The following SLC39A8 variants were observed in gnomAD, a reference collection of about 807,000 sequenced individuals.
SLC39A8 encodes the protein metal cation symporter ZIP8.
In SLC39A8, 15 loss-of-function variants were observed where a neutral mutation model predicts 40.4. The ratio of observed to expected loss-of-function variants is 0.37; its 90% CI spans 0.25 to 0.57. The LOEUF (loss-of-function observed/expected upper bound fraction) is 0.57. SLC39A8 is among the 20% of genes least tolerant of loss of function. The pLI is 0.75. For synonymous variants in SLC39A8, 223 were observed against 221.6 expected, an observed-to-expected ratio of 1.01 and a Z score of -0.06; for missense variants, 472 against 558.8, an observed-to-expected ratio of 0.84 and a Z score of 1.57.
chr4:102,335,934 G>T (rs1735649603), intron 2 of SLC39A8, among the ~76,000 whole-genome samples: 1 of 151,966 alleles, frequency 6.6e-6, no homozygotes, highest in Non-Finnish European at 1.5e-5. Flanking sequence ...CAGACGCTTG[G>T]GTGTTCAGAT....
At chr4:102,328,915 C>A (rs1259459667) in intron 2 of SLC39A8, among the ~76,000 whole-genome samples, 1 of 151,686 alleles carries the variant, frequency 6.6e-6, no homozygotes, top group African/African-American at 2.4e-5. Context: ...GTAGTCCCAG[C>A]TACTCGGGAG....
At chr4:102,329,454 C>A (rs1347078793) in intron 2 of SLC39A8, among the ~76,000 whole-genome samples, 1 of 151,770 alleles carries the variant, frequency 6.6e-6, no homozygotes, top group African/African-American at 2.4e-5. Context: ...GAAACCCTGT[C>A]TCTACTAAAA....
In SLC39A8 at chr4:102,263,170, C is replaced by T; in HGVS notation, c.1257G>A (p.Leu419=). 6.2e-7 allele frequency: 1 copy of T among 1,613,578 alleles called. No homozygotes were observed. The highest frequency in any genetic ancestry group is 2.2e-5 in the East Asian group (1 of 44,852). The change falls in exon 9 of 9, where the codon CTG becomes CTA. Residue 419 remains leucine (L), a synonymous_variant. Transcript: ENST00000356736. ...ADMFPEMNDM[L]REKVTGRKTD... Reference sequence around the variant, plus strand: ...TTTTTCTTCCAGTTACCTTTTCTCTCAGCATATCATTCATCTCTGGAAACT... The same window carrying T: ...TTTTTCTTCCAGTTACCTTTTCTCTTAGCATATCATTCATCTCTGGAAACT...
intron 6 of SLC39A8, 80 bp from the exon 7 acceptor site, chr4:102,268,159 C>T: frequency 2.1e-6 from 3 of 1,453,120 alleles, no homozygotes; most frequent in Non-Finnish European, 2.9e-6. Flanking sequence ...ATGGGTTGTG[C>T]TTGAGAAAAA....
chr4:102,301,816 T>G (rs1733939050), intron 6 of SLC39A8, among the ~76,000 whole-genome samples: 1 of 152,074 alleles, frequency 6.6e-6, no homozygotes, highest in African/African-American at 2.4e-5. Flanking sequence ...TTGGAGAAGT[T>G]AAACTTATTT....
intron 6 of SLC39A8, among the ~76,000 whole-genome samples, chr4:102,272,145 C>G (rs1732389484): frequency 6.6e-6 from 1 of 152,068 alleles, no homozygotes; most frequent in Admixed American, 6.6e-5. Context: ...CAAGACCAAC[C>G]TGAACAACAT....
In SLC39A8 at chr4:102,344,734, G is replaced by T; in HGVS notation, c.-72C>A. 7 of 1,366,716 alleles carry T rather than the reference G, an allele frequency of 5.1e-6. No individual in the cohort carries two copies. Among genetic ancestry groups the T allele is most frequent in the Non-Finnish European group, 6.6e-6 (7 of 1,067,848 alleles). 84.7% of individuals were successfully genotyped at this position (1,366,716 alleles called of 1,614,324 possible). ...GAGGGACGCGCGCGGGCGCACTGGC[G>T]TCCTTGCCCAAGGGCGGGAGCGTCA... On this transcript the variant is annotated 5_prime_UTR_variant, in exon 2 of 9. Transcript: ENST00000356736.
At chr4:102,315,090 T>C (rs974533483) in intron 3 of SLC39A8, among the ~76,000 whole-genome samples, 18 of 152,198 alleles carry the variant, frequency 1.2e-4, no homozygotes, top group African/African-American at 4.3e-4. Context: ...ATATTAAGCA[T>C]ACATATATTT....
At chr4:102,295,615 C>T (rs1452190912) in intron 6 of SLC39A8, among the ~76,000 whole-genome samples, 1 of 152,030 alleles carries the variant, frequency 6.6e-6, no homozygotes, top group Non-Finnish European at 1.5e-5. Context: ...CTCTGGTCTT[C>T]AGCTCCTGGA....
intron 6 of SLC39A8, among the ~76,000 whole-genome samples, chr4:102,274,176 T>C (rs233833): frequency 0.75 from 113,816 of 151,988 alleles, 42,891 homozygotes; most frequent in Middle Eastern, 0.8. Context: ...ATGTTCTAAC[T>C]CAATGTAAGG....
Position 102,262,057 on chromosome 4 carries a change from T to C in SLC39A8, c.*987A>G, listed in dbSNP as rs1413823964. On this transcript the variant is annotated 3_prime_UTR_variant, in exon 9 of 9. Transcript: ENST00000356736. ...ACAAAGGAAGTCTTTTCTGAATGGC[T>C]CTCGATCACACATAAGGAACATATG... 2.0e-6 allele frequency: 2 copies of C among 985,884 alleles called. No individual in the cohort carries two copies. The highest frequency in any genetic ancestry group is 2.4e-6 in the Non-Finnish European group (2 of 829,928). 61.1% of individuals were successfully genotyped at this position (985,884 alleles called of 1,614,324 possible).
chr4:102,324,250 C>A, intron 2 of SLC39A8: 1 of 364,620 alleles, frequency 2.7e-6, no homozygotes, highest in Non-Finnish European at 5.5e-6. Context: ...TAAAAATTAC[C>A]TGAGCGTGTT....
At chr4:102,341,674 C>T (rs550719034) in intron 2 of SLC39A8, among the ~76,000 whole-genome samples, 2 of 152,332 alleles carry the variant, frequency 1.3e-5, no homozygotes, top group South Asian at 4.1e-4. Flanking sequence ...AATTGTTCTA[C>T]TGTCTACAGT....
chr4:102,256,093 TC>T (rs1288019769), intron 11 of SLC39A8, among the ~76,000 whole-genome samples: 2 of 152,216 alleles, frequency 1.3e-5, no homozygotes, highest in Admixed American at 1.3e-4. Context: ...GTTTCCCAGT[TC>T]ATTAACAAGC....
intron 4 of SLC39A8, 126 bp downstream of exon 4, chr4:102,307,310 C>T: frequency 7.1e-6 from 8 of 1,134,624 alleles, no homozygotes; most frequent in Non-Finnish European, 1.0e-5. Flanking sequence ...TCAGCTTTCT[C>T]TTATCCAAGA....
chr4:102,312,323 A>G (rs183971420), intron 3 of SLC39A8, among the ~76,000 whole-genome samples: 4 of 152,068 alleles, frequency 2.6e-5, no homozygotes, highest in Admixed American at 2.0e-4. Flanking sequence ...GACAATATGC[A>G]CCCTAAGAGG....
chr4:102,262,576 AC>A lies in SLC39A8; in HGVS notation c.*467del. On this transcript the variant is annotated 3_prime_UTR_variant, in exon 9 of 9. Coordinates refer to ENST00000356736, the MANE Select transcript of SLC39A8 (RefSeq NM_001135146.2). ...GGAATAATTTATATTAGTGTTGCAT[AC>A]ATTTTACCTTCTACATTTTGATGTA... The A allele has an allele frequency of 3.0e-6, 3 of 985,340 alleles. No homozygotes were observed. Among genetic ancestry groups the A allele is most frequent in the Non-Finnish European group, 3.6e-6 (3 of 829,710 alleles). The allele number at this position is 985,340 out of a possible 1,614,324, so 61.0% of individuals were successfully genotyped here.
At position 102,305,100 on chromosome 4, in the gene SLC39A8, A is replaced by C. The variant is rs1277357419; in HGVS notation, c.564T>G (p.Phe188Leu). 1 of 1,607,512 alleles carries C rather than the reference A, an allele frequency of 6.2e-7. No homozygotes were observed. The highest frequency in any genetic ancestry group is 8.5e-7 in the Non-Finnish European group (1 of 1,177,402). Residue 188 changes from phenylalanine to leucine, a missense_variant, in exon 5 of 9, where the codon TTT becomes TTG. Physicochemically the swap from Phe to Leu is conservative, Grantham distance 22 (BLOSUM62 0). Coordinates refer to ENST00000356736, the MANE Select transcript of SLC39A8 (RefSeq NM_001135146.2). ...IFQLIPEAFG[F>L]DPKVDSYVEK... ...CAACATAACTGTCGACTTTGGGATC[A>C]AATCCAAATGCCTAAGGGAGAAAAA... is the stretch of plus-strand genomic sequence containing the variant.
chr4:102,334,539 T>TTTTCCCTC (rs1735591877), intron 2 of SLC39A8, among the ~76,000 whole-genome samples: 1 of 152,190 alleles, frequency 6.6e-6, no homozygotes, highest in African/African-American at 2.4e-5. Context: ...AAAAGACATT[T>TTTTCCCTC]TTTCCCTCTT....
Sources: allele counts gnomAD v4.1 joint callset (sites outside exome capture counted in the v4.1 genomes callset), GRCh38; gene constraint gnomAD v4.1.1; transcripts MANE v1.5; gene names NCBI Gene and HGNC (gene_info 2026-07-23, HGNC 2026-07-21).